The following MLLT3 variants were observed in gnomAD, a reference collection of about 807,000 sequenced individuals.
MLLT3 encodes the protein protein AF-9.
A neutral mutation model predicts 53.2 loss-of-function variants in MLLT3; 4 were observed. That is an observed-to-expected ratio of 0.08 (90% CI 0.04 to 0.17). MLLT3 has a LOEUF of 0.17. MLLT3 is among the 10% of genes least tolerant of loss of function. The pLI, the probability that MLLT3 is intolerant of heterozygous loss-of-function variation, is 1.00. For synonymous variants in MLLT3, 283 were observed against 230.6 expected (o/e 1.23, Z -2.06); for missense variants, 569 against 684.0 (o/e 0.83, Z 1.87).
At chr9:20,604,035 T>C (rs375187665) in intron 2 of MLLT3, among the ~76,000 whole-genome samples, 1 of 152,068 alleles carries the variant, frequency 6.6e-6, no homozygotes, top group African/African-American at 2.4e-5. Flanking sequence ...TGAATTCAGA[T>C]TGAATGGCTG....
At chr9:20,511,104 T>C (rs1465426772) in intron 2 of MLLT3, among the ~76,000 whole-genome samples, 2 of 152,162 alleles carry the variant, frequency 1.3e-5, no homozygotes, top group Non-Finnish European at 1.5e-5. Context: ...TTTAATATTA[T>C]AAAATTTAAA....
intron 2 of MLLT3, among the ~76,000 whole-genome samples, chr9:20,461,417 T>A (rs1187564873): frequency 6.6e-6 from 1 of 152,156 alleles, no homozygotes; most frequent in South Asian, 2.1e-4. Context: ...CAAGGACTTT[T>A]AATTAGTTAG....
At chr9:20,622,047 GTGTGTC>G in intron 1 of MLLT3, 192 bp downstream of exon 1, 2 of 520,218 alleles carry the variant, frequency 3.8e-6, no homozygotes, top group Middle Eastern at 9.8e-4. Context: ...GTGTGTGTCT[GTGTGTC>G]TGTGTGCGCG....
chr9:20,543,876 G>A (rs1171544276), intron 2 of MLLT3, among the ~76,000 whole-genome samples: 1 of 152,226 alleles, frequency 6.6e-6, no homozygotes, highest in Non-Finnish European at 1.5e-5. Context: ...CTTGCTTGAT[G>A]CAAGGTTACC....
intron 2 of MLLT3, among the ~76,000 whole-genome samples, chr9:20,602,575 T>C (rs1383116283): frequency 6.6e-6 from 1 of 152,128 alleles, no homozygotes; most frequent in Non-Finnish European, 1.5e-5. Context: ...ACGCATGTGC[T>C]CAGGAGTGAC....
chr9:20,377,365 T>C (rs1300271941), intron 5 of MLLT3, among the ~76,000 whole-genome samples: 2 of 152,154 alleles, frequency 1.3e-5, no homozygotes, highest in South Asian at 2.1e-4. Context: ...AACTGAACAC[T>C]GAATTGAACA....
chr9:20,583,784 C>T (rs1375046040), intron 2 of MLLT3, among the ~76,000 whole-genome samples: 1 of 152,154 alleles, frequency 6.6e-6, no homozygotes, highest in African/African-American at 2.4e-5. Flanking sequence ...CTGGGCCCAG[C>T]CCACAAAACC....
chr9:20,470,323 C>G lies in MLLT3; in HGVS notation c.194-13537G>C, dbSNP rs141285894. ...GCATTATAATCCCATCTTGAGAAGC[C>G]TGGTTTATTTAAATTTCTCATCAGA... On this transcript the variant is annotated intron_variant, in intron 2 of 10. Coordinates refer to ENST00000380338, the MANE Select transcript of MLLT3 (RefSeq NM_004529.4). 2.6e-5 allele frequency among the ~76,000 whole-genome samples: 4 copies of G among 151,958 alleles called. No individual in the cohort carries two copies. The East Asian group carries it at 7.7e-4, about 29-fold the overall frequency.
intron 5 of MLLT3, among the ~76,000 whole-genome samples, chr9:20,401,047 G>A (rs1224355098): frequency 6.6e-6 from 1 of 151,966 alleles, no homozygotes; most frequent in Non-Finnish European, 1.5e-5. Flanking sequence ...AATAGAAGAA[G>A]CAGGAGGAGG....
At chr9:20,353,066 A>C (rs1182043377) in intron 10 of MLLT3, among the ~76,000 whole-genome samples, 1 of 152,184 alleles carries the variant, frequency 6.6e-6, no homozygotes, top group Non-Finnish European at 1.5e-5. Flanking sequence ...ATACAAGATA[A>C]GGGAAATGAA....
In MLLT3 at chr9:20,529,541, C is replaced by A. The variant is rs117384067; in HGVS notation, c.194-72755G>T. 1.1e-3 allele frequency among the ~76,000 whole-genome samples: 173 copies of A among 152,158 alleles called. 1 individual carries two copies. The East Asian group carries it at 0.025, about 22-fold the overall frequency. On this transcript the variant is annotated intron_variant, in intron 2 of 10. Transcript: ENST00000380338. ...ACCGCCAGTTAGTTCATTTAATTGA[C>A]CTTTCTCTAAAAGTATCAAATGCTT...
rs546479273 is a variant in MLLT3, at chr9:20,519,543, G to A, written c.194-62757C>T. ...ATAGTTAAACTCACAGAATATCACTGAATCTCACTTTTCAAAAGAATACAT... is the reference window on the plus strand; with the variant it reads ...ATAGTTAAACTCACAGAATATCACTAAATCTCACTTTTCAAAAGAATACAT... On this transcript the variant is annotated intron_variant, in intron 2 of 10. Transcript: ENST00000380338. Among the ~76,000 whole-genome samples, 5 of 152,140 alleles carry A rather than the reference G, an allele frequency of 3.3e-5. No homozygotes were observed. In the East Asian group the frequency reaches 9.6e-4, roughly 29 times the overall value.
At chr9:20,603,987 T>G (rs1192934071) in intron 2 of MLLT3, among the ~76,000 whole-genome samples, 1 of 152,084 alleles carries the variant, frequency 6.6e-6, no homozygotes, top group Non-Finnish European at 1.5e-5. Flanking sequence ...TAAGAAGTAT[T>G]ATTTTCAAAC....
chr9:20,596,485 T>A (rs1054348332), intron 2 of MLLT3, among the ~76,000 whole-genome samples: 2 of 151,858 alleles, frequency 1.3e-5, no homozygotes, highest in Non-Finnish European at 2.9e-5. Context: ...AGGTCAGGAG[T>A]TCAAGACCAG....
chr9:20,475,662 C>T (rs1824502191), intron 2 of MLLT3, among the ~76,000 whole-genome samples: 1 of 151,966 alleles, frequency 6.6e-6, no homozygotes, highest in South Asian at 2.1e-4. Flanking sequence ...TTCAGGTCCC[C>T]GGGTCAGGAA....
At chr9:20,414,506 CTTCT>C in intron 4 of MLLT3, 81 bp from the exon 5 acceptor site, 1 of 1,572,174 alleles carries the variant, frequency 6.4e-7, no homozygotes, top group Non-Finnish European at 8.6e-7. Context: ...TAAAATGATC[CTTCT>C]TTGATTCCTC....
chr9:20,430,839 G>A (rs771193556), intron 4 of MLLT3, among the ~76,000 whole-genome samples: 6 of 151,940 alleles, frequency 3.9e-5, no homozygotes, highest in Non-Finnish European at 7.4e-5. Flanking sequence ...ATAGTAAATA[G>A]AAACAACAAT....
chr9:20,513,967 G>A (rs1416420662), intron 2 of MLLT3, among the ~76,000 whole-genome samples: 2 of 152,186 alleles, frequency 1.3e-5, no homozygotes, highest in Non-Finnish European at 2.9e-5. Context: ...TGGATTTGGT[G>A]GTCATATTCA....
chr9:20,520,134 TG>T (rs1049649890), intron 2 of MLLT3, among the ~76,000 whole-genome samples: 1 of 151,988 alleles, frequency 6.6e-6, no homozygotes, highest in African/African-American at 2.4e-5. Flanking sequence ...CACTTATAAG[TG>T]GGAGCTAAAT....
Sources: gnomAD v4.1 joint callset for allele counts (sites outside exome capture counted in the v4.1 genomes callset) on GRCh38, gnomAD v4.1.1 for gene constraint, MANE v1.5 for transcripts, NCBI Gene and HGNC (gene_info 2026-07-23, HGNC 2026-07-21) for gene names.